UBA6: variants seen among roughly 807,000 people sequenced by gnomAD.
UBA6 encodes ubiquitin like modifier activating enzyme 6, also known as ubiquitin-like modifier-activating enzyme 6.
UBA6 carries 87 observed loss-of-function variants against 148.3 expected under a neutral mutation model. The observed-to-expected ratio is 0.59, with a 90% CI of 0.49 to 0.70. The LOEUF is 0.70. Among genes scored for constraint, UBA6 ranks in the 30% least tolerant of loss-of-function variants. The pLI, the probability that UBA6 is intolerant of heterozygous loss-of-function variation, is 0.00. For synonymous variants in UBA6, 376 were observed against 401.0 expected (o/e 0.94, Z 0.75); for missense variants, 1,186 against 1,241.2 (o/e 0.96, Z 0.67).
intron 8 of UBA6, among the ~76,000 whole-genome samples, chr4:67,669,943 TATTA>T (rs1339977432): frequency 6.8e-6 from 1 of 147,450 alleles, no homozygotes; most frequent in Non-Finnish European, 1.5e-5. Context: ...CAAGTATTAT[TATTA>T]TTTTTCTTTC....
intron 14 of UBA6, 92 bp downstream of exon 14, chr4:67,648,976 G>A: frequency 3.0e-6 from 4 of 1,334,400 alleles, no homozygotes; most frequent in Non-Finnish European, 3.0e-6. Flanking sequence ...GTATTTTAAG[G>A]TCGCTTTTCT....
Position 67,626,406 on chromosome 4 carries a change from T to G in UBA6, c.2472A>C (p.Ala824=). 1 of 1,611,582 alleles carries G rather than the reference T, an allele frequency of 6.2e-7. No homozygotes were observed. Among genetic ancestry groups the G allele is most frequent in the Non-Finnish European group, 8.5e-7 (1 of 1,178,388 alleles). ...VPISSEDERN[A]IFQLEKAILS... is the part of the protein sequence containing the mutation. ...AAATAGCCTTTTCTAGTTGGAAAAT[T>G]GCATTCCTCTCATCTTCACTGCTAA... The change falls in exon 28 of 33, where the codon GCA becomes GCC. Residue 824 remains alanine (A), a synonymous_variant. Transcript: ENST00000322244.
Position 67,663,881 on chromosome 4 carries a change from T to G in UBA6, c.960+4A>C. 1 of 1,613,056 alleles carries G rather than the reference T, an allele frequency of 6.2e-7. No individual in the cohort carries two copies. The highest frequency in any genetic ancestry group is 8.5e-7 in the Non-Finnish European group (1 of 1,179,178). ...TCTCTCAAACCTGCAAAGTGTTTAT[T>G]TACCTCAGGGTTGCTAAAATCCACA... On this transcript the variant is annotated splice_donor_region_variant and intron_variant, in intron 11 of 32. Coordinates refer to ENST00000322244, the MANE Select transcript of UBA6 (RefSeq NM_018227.6).
chr4:67,648,849 T>C (rs1259354864), intron 14 of UBA6, among the ~76,000 whole-genome samples: 2 of 152,216 alleles, frequency 1.3e-5, no homozygotes, highest in Non-Finnish European at 2.9e-5. Flanking sequence ...GGGAAATATA[T>C]TTGAGAAGGC....
rs539492812 is a variant in UBA6, at chr4:67,618,106, G to T, written c.*891C>A. ...TCTGGAAAAAAAAAAGACTACCCTA[G>T]CAATAATTTTTAACATTCTACATTT... On this transcript the variant is annotated 3_prime_UTR_variant, in exon 33 of 33. Coordinates refer to ENST00000322244, the MANE Select transcript of UBA6 (RefSeq NM_018227.6). 6.9e-6 allele frequency: 1 copy of T among 145,176 alleles called. No homozygotes were observed. The highest frequency in any genetic ancestry group is 2.6e-5 in the African/African-American group (1 of 39,110). 9.0% of individuals were successfully genotyped at this position (145,176 alleles called of 1,614,324 possible). A position where few individuals can be genotyped will look rare whatever the true frequency, so the allele number is the denominator to read the frequency against.
intron 1 of UBA6, 75 bp downstream of exon 1, chr4:67,700,974 G>GGAAA: frequency 6.3e-7 from 1 of 1,584,950 alleles, no homozygotes; most frequent in East Asian, 2.2e-5. Flanking sequence ...CCAGCCCGCC[G>GGAAA]GAAAGAAAGA....
rs1003503823 is a variant in UBA6, at chr4:67,612,940, T to G, written c.*6057A>C. The G allele has an allele frequency of 5.9e-5, 9 of 152,130 alleles. No individual in the cohort carries two copies. Among genetic ancestry groups the G allele is most frequent in the African/African-American group, 2.2e-4 (9 of 41,408 alleles). 9.4% of individuals were successfully genotyped at this position (152,130 alleles called of 1,614,324 possible). On this transcript the variant is annotated 3_prime_UTR_variant, in exon 33 of 33. Coordinates refer to ENST00000322244, the MANE Select transcript of UBA6 (RefSeq NM_018227.6). ...TTTGGGACCACTGTGTTAGGAGTAT[T>G]TATAGATTGCAAAAGGCCACTGGGA...
At chr4:67,619,625 T>A (rs1728707652) in intron 32 of UBA6, among the ~76,000 whole-genome samples, 1 of 152,158 alleles carries the variant, frequency 6.6e-6, no homozygotes, top group Non-Finnish European at 1.5e-5. Context: ...GCAACGATTT[T>A]AAAAAATTGA....
chr4:67,690,360 A>C (rs1730666598), intron 2 of UBA6, among the ~76,000 whole-genome samples: 2 of 152,130 alleles, frequency 1.3e-5, no homozygotes, highest in Admixed American at 6.5e-5. Context: ...CCCAGAAGAA[A>C]ACAGGAAAGA....
chr4:67,621,658 C>T (rs190206782), intron 32 of UBA6, among the ~76,000 whole-genome samples: 2 of 152,102 alleles, frequency 1.3e-5, no homozygotes, highest in African/African-American at 2.4e-5. Flanking sequence ...CAAAAATTAG[C>T]CAGGTGTGGT....
chr4:67,667,506 G>A (rs1046128232), intron 9 of UBA6, among the ~76,000 whole-genome samples: 11 of 151,614 alleles, frequency 7.3e-5, no homozygotes, highest in African/African-American at 2.7e-4. Flanking sequence ...CCTCTCCTGA[G>A]GATATATTTT....
chr4:67,664,031 A>T, intron 10 of UBA6, 84 bp from the exon 11 acceptor site: 1 of 1,049,236 alleles, frequency 9.5e-7, no homozygotes, highest in Non-Finnish European at 1.4e-6. Flanking sequence ...GTGCGCTAAA[A>T]ACTAGGGAAC....
intron 18 of UBA6, among the ~76,000 whole-genome samples, chr4:67,640,529 G>A (rs28750141): frequency 0.011 from 1,744 of 152,118 alleles, 40 homozygotes; most frequent in African/African-American, 0.04. Flanking sequence ...GCCCAGGCTG[G>A]TCGGGAACTC....
chr4:67,631,859 C>T lies in UBA6; in HGVS notation c.2192G>A (p.Gly731Asp), dbSNP rs1300656372. 4 of 1,611,754 alleles carry T rather than the reference C, an allele frequency of 2.5e-6. No individual in the cohort carries two copies. In the African/African-American group the frequency reaches 4.0e-5, roughly 16 times the overall value. ...CFPLDIRLKDGSLFWQSPKRP... is the reference protein window; with the variant it reads ...CFPLDIRLKDDSLFWQSPKRP... ...TTATTCTCAACATTTATACTTACTG[C>T]CATCTTTTAATCGTATGTCCAGAGG... The change falls in exon 24 of 33, where the codon GGC (glycine) becomes GAC (aspartate). Residue 731 changes from glycine (G) to aspartate (D), a missense_variant and splice_region_variant. By Grantham distance (94) the Gly-to-Asp change is moderately conservative. Transcript: ENST00000322244.
At chr4:67,679,139 T>C (rs576506774) in intron 4 of UBA6, among the ~76,000 whole-genome samples, 6 of 152,194 alleles carry the variant, frequency 3.9e-5, no homozygotes, top group South Asian at 4.1e-4. Flanking sequence ...TATAAAGAGA[T>C]AGCAAGGTAA....
At chr4:67,683,840 A>AGG in intron 2 of UBA6, among the ~76,000 whole-genome samples, 2 of 152,184 alleles carry the variant, frequency 1.3e-5, no homozygotes, top group African/African-American at 4.8e-5. Context: ...TGGGAGGCCT[A>AGG]CATGGGTGGA....
Position 67,687,417 on chromosome 4 carries a change from CA to C in UBA6, c.135-5205del, listed in dbSNP as rs372553186. Among the ~76,000 whole-genome samples, 14 of 152,282 alleles carry C rather than the reference CA, an allele frequency of 9.2e-5. No homozygotes were observed. In the East Asian group the frequency reaches 2.5e-3, roughly 27 times the overall value. The stretch of plus-strand genomic sequence containing the variant: ...AAAAGAAAGATTAAGCAACTAGCTC[CA>C]GTTCATATAAAAGTCAGGATTGGGA... On this transcript the variant is annotated intron_variant, in intron 2 of 32. Transcript: ENST00000322244.
intron 14 of UBA6, 87 bp from the exon 15 acceptor site, chr4:67,646,878 T>A: frequency 1.5e-6 from 1 of 649,048 alleles, no homozygotes; most frequent in Non-Finnish European, 2.3e-6. Flanking sequence ...TTAATAGTCA[T>A]GAAGAAAAAA....
intron 23 of UBA6, among the ~76,000 whole-genome samples, chr4:67,632,594 G>C (rs1057338515): frequency 1.3e-5 from 2 of 152,220 alleles, no homozygotes; most frequent in African/African-American, 4.8e-5. Context: ...AGAGTAATGA[G>C]CAAAGAAGTC....
Sources: allele counts gnomAD v4.1 joint callset (sites outside exome capture counted in the v4.1 genomes callset), GRCh38; gene constraint gnomAD v4.1.1; transcripts MANE v1.5; gene names NCBI Gene and HGNC (gene_info 2026-07-23, HGNC 2026-07-21).